Variants in GRID2 observed in about 807,000 individuals in gnomAD.
The protein encoded by GRID2 is glutamate ionotropic receptor delta type subunit 2.
Under a neutral mutation model 114.8 loss-of-function variants are expected in GRID2, and 33 were observed. The ratio of observed to expected loss-of-function variants is 0.29; its 90% confidence interval spans 0.22 to 0.38. The LOEUF (loss-of-function observed/expected upper bound fraction) is 0.38. Ranked by LOEUF, GRID2 falls within the 10% of genes least tolerant of loss-of-function variation. The pLI, the probability that GRID2 is intolerant of heterozygous loss-of-function variation, is 1.00. For synonymous variants in GRID2, 505 were observed against 449.9 expected (o/e 1.12, Z -1.55); for missense variants, 1,184 against 1,257.7 (o/e 0.94, Z 0.89).
At chr4:92,744,066 G>T (rs908647935) in intron 2 of GRID2, among the ~76,000 whole-genome samples, 1 of 151,540 alleles carries the variant, frequency 6.6e-6, no homozygotes. Flanking sequence ...TATCACATTT[G>T]TTATGTTATA....
chr4:93,701,412 A>T (rs1405072441), intron 14 of GRID2, among the ~76,000 whole-genome samples: 2 of 152,174 alleles, frequency 1.3e-5, no homozygotes, highest in Admixed American at 6.6e-5. Flanking sequence ...CAATTACTAA[A>T]GTTTTCTAAG....
chr4:93,456,006 A>G, intron 11 of GRID2, 32 bp downstream of exon 11: 1 of 1,259,848 alleles, frequency 7.9e-7, no homozygotes, highest in Non-Finnish European at 1.2e-6. Context: ...TAGTATTTAA[A>G]AAAAATAGAA....
intron 4 of GRID2, among the ~76,000 whole-genome samples, chr4:93,114,191 T>C (rs1429907309): frequency 1.3e-5 from 2 of 152,126 alleles, no homozygotes; most frequent in Admixed American, 6.6e-5. Flanking sequence ...TTCATGAAGC[T>C]CTGCCAGGGG....
rs571568122 is a variant in GRID2, at chr4:93,396,219, A to T, written c.1347+511A>T. Among the ~76,000 whole-genome samples the T allele has an allele frequency of 2.0e-5, 3 of 152,168 alleles. No homozygotes were observed. In the East Asian group the frequency reaches 5.8e-4, roughly 29 times the overall value. ...AGGCATCTACTGTCGACTGTATTCCAGGCTCAGTGCTGATTACTGAGAACA... is the reference window on the plus strand; with the variant it reads ...AGGCATCTACTGTCGACTGTATTCCTGGCTCAGTGCTGATTACTGAGAACA... On this transcript the variant is annotated intron_variant, in intron 9 of 15. Coordinates refer to ENST00000282020, the MANE Select transcript of GRID2 (RefSeq NM_001510.4).
intron 2 of GRID2, among the ~76,000 whole-genome samples, chr4:92,965,320 A>G (rs1753067109): frequency 6.6e-6 from 1 of 151,750 alleles, no homozygotes; most frequent in Admixed American, 6.6e-5. Context: ...TATAACAACA[A>G]TGAAAAAGTT....
chr4:92,968,380 GA>G (rs1419138794), intron 2 of GRID2, among the ~76,000 whole-genome samples: 1 of 151,828 alleles, frequency 6.6e-6, no homozygotes, highest in Non-Finnish European at 1.5e-5. Flanking sequence ...TACTATTCTG[GA>G]TTGCATGTCT....
downstream of GRID2, among the ~76,000 whole-genome samples, chr4:93,776,452 C>G (rs1370325021): frequency 6.6e-6 from 1 of 152,174 alleles, no homozygotes; most frequent in Non-Finnish European, 1.5e-5. Context: ...CTAGTGTTAA[C>G]AGAGAACCTA....
intron 8 of GRID2, among the ~76,000 whole-genome samples, chr4:93,344,943 A>G (rs910985625): frequency 1.3e-5 from 2 of 151,416 alleles, no homozygotes; most frequent in Non-Finnish European, 3.0e-5. Flanking sequence ...GTTATCAAAA[A>G]TGACAGCATT....
chr4:93,237,395 G>A (rs908451832), intron 7 of GRID2, among the ~76,000 whole-genome samples: 2 of 151,820 alleles, frequency 1.3e-5, no homozygotes, highest in African/African-American at 4.8e-5. Flanking sequence ...AAATGAAGTA[G>A]AAGGAAAAGC....
At chr4:92,477,193 T>A (rs1480566841) in intron 1 of GRID2, among the ~76,000 whole-genome samples, 1 of 151,944 alleles carries the variant, frequency 6.6e-6, no homozygotes, top group Non-Finnish European at 1.5e-5. Context: ...ACTTGAAAAC[T>A]CTAGCACAAT....
At chr4:92,408,508 C>A (rs1731143290) in intron 1 of GRID2, among the ~76,000 whole-genome samples, 1 of 69,780 alleles carries the variant, frequency 1.4e-5, no homozygotes, top group Non-Finnish European at 2.8e-5. Flanking sequence ...TTTTCTAATT[C>A]TGTGAAAATG....
At chr4:93,346,796 T>G (rs1020646980) in intron 8 of GRID2, among the ~76,000 whole-genome samples, 1 of 152,202 alleles carries the variant, frequency 6.6e-6, no homozygotes, top group African/African-American at 2.4e-5. Flanking sequence ...CAGAGAGATT[T>G]GAATAGACTG....
At chr4:93,496,862 T>A (rs972496752) in intron 12 of GRID2, among the ~76,000 whole-genome samples, 7 of 151,832 alleles carry the variant, frequency 4.6e-5, no homozygotes, top group African/African-American at 1.4e-4. Flanking sequence ...TTTCTGTGGA[T>A]TTTTTGTTTG....
At chr4:92,825,989 G>A (rs1741672391) in intron 2 of GRID2, among the ~76,000 whole-genome samples, 1 of 152,120 alleles carries the variant, frequency 6.6e-6, no homozygotes, top group African/African-American at 2.4e-5. Flanking sequence ...CCTTCAGTGA[G>A]TACTCAGTAC....
Position 93,769,369 on chromosome 4 carries a change from T to A in GRID2, c.2520T>A (p.Ala840=). The A allele has an allele frequency of 6.2e-7, 1 of 1,613,994 alleles. No individual in the cohort carries two copies. Among genetic ancestry groups the A allele is most frequent in the South Asian group, 1.1e-5 (1 of 91,084 alleles). Residue 840 remains alanine, a synonymous_variant, in exon 15 of 16, where the codon GCT becomes GCA. Coordinates refer to ENST00000282020, the MANE Select transcript of GRID2 (RefSeq NM_001510.4). The part of the protein sequence containing the change: ...SFAGVFCILA[A]GIVLSCFIAM... ...CAGGGGTCTTTTGTATCCTGGCTGC[T>A]GGAATTGTCCTCTCCTGCTTCATAG...
intron 2 of GRID2, among the ~76,000 whole-genome samples, chr4:92,770,213 C>T (rs933746483): frequency 2.6e-5 from 4 of 152,200 alleles, no homozygotes; most frequent in Non-Finnish European, 5.9e-5. Context: ...TTTGCTAAAA[C>T]ATAAAGAGAA....
At chr4:93,747,308 C>T (rs1252023217) in intron 14 of GRID2, among the ~76,000 whole-genome samples, 1 of 152,048 alleles carries the variant, frequency 6.6e-6, no homozygotes, top group African/African-American at 2.4e-5. Context: ...TCTGCTGATC[C>T]CTAAAATTTT....
chr4:92,593,445 A>G (rs1728801715), intron 2 of GRID2, among the ~76,000 whole-genome samples: 1 of 151,974 alleles, frequency 6.6e-6, no homozygotes, highest in Non-Finnish European at 1.5e-5. Context: ...TAACCCATAA[A>G]CAGTAATAAA....
chr4:92,714,446 G>C (rs1735431269), intron 2 of GRID2, among the ~76,000 whole-genome samples: 1 of 152,172 alleles, frequency 6.6e-6, no homozygotes, highest in African/African-American at 2.4e-5. Context: ...GAGAATGGTA[G>C]CCCTCTTCTC....
Sources: gnomAD v4.1 joint callset for allele counts (sites outside exome capture counted in the v4.1 genomes callset) on GRCh38, gnomAD v4.1.1 for gene constraint, MANE v1.5 for transcripts, NCBI Gene and HGNC (gene_info 2026-07-23, HGNC 2026-07-21) for gene names.